The following MB21D2 variants were observed in gnomAD, a reference collection of about 807,000 sequenced individuals.
The protein encoded by MB21D2 is Mab-21 domain containing 2, also known as nucleotidyltransferase MB21D2.
In MB21D2, 9 loss-of-function variants were observed where a neutral mutation model predicts 33.3. The ratio of observed to expected loss-of-function variants is 0.27; its 90% confidence interval spans 0.16 to 0.47. MB21D2 has a LOEUF of 0.47. Ranked by LOEUF, MB21D2 falls within the 20% of genes least tolerant of loss-of-function variation. The pLI is 0.99. For missense variants in MB21D2, 540 were observed against 624.6 expected (o/e 0.86, Z 1.44); for synonymous variants, 241 against 236.3 (o/e 1.02, Z -0.18).
intron 1 of MB21D2, among the ~76,000 whole-genome samples, chr3:192,824,376 G>A (rs1250659428): frequency 6.6e-6 from 1 of 152,038 alleles, no homozygotes; most frequent in Non-Finnish European, 1.5e-5. Flanking sequence ...AAGGGGAGAT[G>A]ATGGATTATG....
intron 1 of MB21D2, among the ~76,000 whole-genome samples, chr3:192,876,181 C>T (rs1410818631): frequency 6.6e-6 from 1 of 152,144 alleles, no homozygotes; most frequent in East Asian, 1.9e-4. Flanking sequence ...GCACTGCCAA[C>T]TCAGCAGCCC....
chr3:192,904,831 C>T (rs960438252), intron 1 of MB21D2, among the ~76,000 whole-genome samples: 2 of 152,324 alleles, frequency 1.3e-5, no homozygotes, highest in South Asian at 4.1e-4. Context: ...ACTGAGGAGT[C>T]GGCATTTACT....
intron 1 of MB21D2, among the ~76,000 whole-genome samples, chr3:192,857,213 A>G (rs912669283): frequency 3.5e-4 from 54 of 152,372 alleles, no homozygotes; most frequent in African/African-American, 1.2e-3. Flanking sequence ...CTGCTCAGAG[A>G]GAAGCAATTG....
chr3:192,892,086 C>A (rs536458050), intron 1 of MB21D2, among the ~76,000 whole-genome samples: 2 of 151,282 alleles, frequency 1.3e-5, no homozygotes, highest in Non-Finnish European at 2.9e-5. Flanking sequence ...ATTAACACTT[C>A]TATTCCATGA....
intron 1 of MB21D2, among the ~76,000 whole-genome samples, chr3:192,833,041 C>CTT (rs397728123): frequency 0.015 from 2,244 of 146,264 alleles, 50 homozygotes; most frequent in African/African-American, 0.053. Flanking sequence ...TCCTTTAGAC[C>CTT]TTTTTTTTTT....
At chr3:192,883,868 A>C (rs1329390334) in intron 1 of MB21D2, among the ~76,000 whole-genome samples, 1 of 152,140 alleles carries the variant, frequency 6.6e-6, no homozygotes, top group East Asian at 1.9e-4. Context: ...TGCCAGAAAC[A>C]GGGGAGTCTT....
At chr3:192,802,983 A>C (rs939973044) in intron 1 of MB21D2, among the ~76,000 whole-genome samples, 2 of 152,220 alleles carry the variant, frequency 1.3e-5, no homozygotes, top group Non-Finnish European at 2.9e-5. Flanking sequence ...CCTGGACAGA[A>C]GCAAACTGGC....
At chr3:192,834,316 CA>C (rs556929185) in intron 1 of MB21D2, among the ~76,000 whole-genome samples, 64 of 110,620 alleles carry the variant, frequency 5.8e-4, no homozygotes, top group Middle Eastern at 6.1e-3. Context: ...GACTGCATCT[CA>C]AAAAAAAAAA....
chr3:192,894,295 A>AT (rs948894353), intron 1 of MB21D2, among the ~76,000 whole-genome samples: 14 of 151,164 alleles, frequency 9.3e-5, no homozygotes, highest in Admixed American at 6.6e-4. Context: ...TGCCTGGCTG[A>AT]TTTTTTTGTA....
chr3:192,820,350 C>A (rs759229641), intron 1 of MB21D2, among the ~76,000 whole-genome samples: 1 of 152,050 alleles, frequency 6.6e-6, no homozygotes, highest in African/African-American at 2.4e-5. Context: ...TTAACTCCCC[C>A]GAGATAACAA....
intron 1 of MB21D2, among the ~76,000 whole-genome samples, chr3:192,899,391 T>C (rs1305444628): frequency 1.3e-5 from 2 of 151,982 alleles, no homozygotes; most frequent in African/African-American, 4.8e-5. Context: ...TAGCCAGGCA[T>C]GGTGGCGGAC....
intron 1 of MB21D2, among the ~76,000 whole-genome samples, chr3:192,821,294 T>C (rs926292472): frequency 2.6e-5 from 4 of 152,216 alleles, no homozygotes; most frequent in African/African-American, 9.6e-5. Flanking sequence ...AGTCAGTGGA[T>C]CTGATAGCTG....
intron 1 of MB21D2, among the ~76,000 whole-genome samples, chr3:192,814,680 G>A (rs1057345429): frequency 1.3e-5 from 2 of 151,128 alleles, no homozygotes; most frequent in South Asian, 2.1e-4. Flanking sequence ...GGCTAACACG[G>A]TGAAACCCTG....
intron 1 of MB21D2, among the ~76,000 whole-genome samples, chr3:192,914,371 C>T (rs899496180): frequency 2.6e-5 from 4 of 152,158 alleles, no homozygotes; most frequent in Admixed American, 6.5e-5. Context: ...GGTTAGGTGA[C>T]GGCTTGTTTC....
intron 1 of MB21D2, among the ~76,000 whole-genome samples, chr3:192,877,015 G>A (rs1713446322): frequency 6.6e-6 from 1 of 152,150 alleles, no homozygotes; most frequent in Admixed American, 6.5e-5. Flanking sequence ...AGTCCACAGT[G>A]AGTAATTAAT....
At chr3:192,917,107 C>T (rs1186785280) in intron 1 of MB21D2, among the ~76,000 whole-genome samples, 1 of 152,230 alleles carries the variant, frequency 6.6e-6, no homozygotes, top group African/African-American at 2.4e-5. Context: ...ACCGGGGGCT[C>T]GGCATGACAG....
intron 1 of MB21D2, among the ~76,000 whole-genome samples, chr3:192,802,876 A>G (rs191535068): frequency 1.1e-3 from 160 of 152,348 alleles, no homozygotes; most frequent in Admixed American, 2.2e-3. Context: ...TGGTTAGTAA[A>G]TAAGATCTGA....
intron 1 of MB21D2, among the ~76,000 whole-genome samples, chr3:192,882,627 A>G (rs1416186193): frequency 6.6e-6 from 1 of 152,050 alleles, no homozygotes; most frequent in Non-Finnish European, 1.5e-5. Context: ...ATGAAGTTAC[A>G]TGTTAACTGA....
chr3:192,863,755 G>A (rs1473160467), intron 1 of MB21D2, among the ~76,000 whole-genome samples: 1 of 152,106 alleles, frequency 6.6e-6, no homozygotes, highest in African/African-American at 2.4e-5. Context: ...TCATGAATGG[G>A]ATTTCTGCAC....
Sources: allele counts gnomAD v4.1 joint callset (sites outside exome capture counted in the v4.1 genomes callset), GRCh38; gene constraint gnomAD v4.1.1; transcripts MANE v1.5; gene names NCBI Gene and HGNC (gene_info 2026-07-23, HGNC 2026-07-21).